Variants in CHMP4C observed in about 807,000 individuals in gnomAD.
The protein encoded by CHMP4C is charged multivesicular body protein 4C, also known as SNF7 homolog associated with Alix 3.
CHMP4C carries 28 observed loss-of-function variants against 29.0 expected under a neutral mutation model. That is an observed-to-expected ratio of 0.97 (90% CI 0.72 to 1.32). The LOEUF (loss-of-function observed/expected upper bound fraction) is 1.32, where lower values mean the gene tolerates loss of function less well. Among genes scored for constraint, CHMP4C ranks in the 40% most tolerant of loss-of-function variants. CHMP4C has a pLI of 0.00. For missense variants in CHMP4C, 291 were observed against 281.0 expected (o/e 1.04, Z -0.25); for synonymous variants, 106 against 102.4 (o/e 1.04, Z -0.21).
chr8:81,755,826 G>T (rs1408273048), intron 3 of CHMP4C, among the ~76,000 whole-genome samples: 5 of 152,162 alleles, frequency 3.3e-5, no homozygotes, highest in Non-Finnish European at 7.3e-5. Context: ...TCGTCATTCT[G>T]CATGAAACAG....
chr8:81,733,128 A>G (rs1199322923), intron 1 of CHMP4C, among the ~76,000 whole-genome samples: 3 of 152,320 alleles, frequency 2.0e-5, no homozygotes, highest in South Asian at 4.1e-4. Context: ...TTAAATAAAG[A>G]CAAGATTGGT....
At chr8:81,744,547 T>C (rs1233109770) in intron 1 of CHMP4C, among the ~76,000 whole-genome samples, 1 of 152,160 alleles carries the variant, frequency 6.6e-6, no homozygotes, top group Non-Finnish European at 1.5e-5. Flanking sequence ...GCTACAGCGA[T>C]GTCTGTGAAG....
At chr8:81,732,924 G>A in intron 1 of CHMP4C, 108 bp downstream of exon 1, 1 of 1,052,404 alleles carries the variant, frequency 9.5e-7, no homozygotes, top group Non-Finnish European at 1.4e-6. Context: ...GTTTGCTCCT[G>A]CAGTCTTTTC....
rs139974821 is a variant in CHMP4C at position 81,745,151 on chromosome 8, G to A, written c.191-7913G>A. On this transcript the variant is annotated intron_variant, in intron 1 of 4. Coordinates refer to ENST00000297265, the MANE Select transcript of CHMP4C (RefSeq NM_152284.4). Reference sequence around the variant, plus strand: ...TGATTTGTATATGAGTAAGAACAGGGCTTACACTAAAGTTCCTCAAATAAA... The same window carrying A: ...TGATTTGTATATGAGTAAGAACAGGACTTACACTAAAGTTCCTCAAATAAA... 5.3e-3 allele frequency among the ~76,000 whole-genome samples: 800 copies of A among 152,192 alleles called. 6 individuals are homozygous for A. Among genetic ancestry groups the A allele is most frequent in the African/African-American group, 0.018 (741 of 41,522 alleles).
chr8:81,739,474 T>TA (rs144207721), intron 1 of CHMP4C, among the ~76,000 whole-genome samples: 11,652 of 145,752 alleles, frequency 0.08, 785 homozygotes, highest in East Asian at 0.39. Context: ...AACCAATACC[T>TA]AGGCCAGATC....
At chr8:81,754,898 C>A (rs1351265103) in intron 2 of CHMP4C, among the ~76,000 whole-genome samples, 1 of 152,066 alleles carries the variant, frequency 6.6e-6, no homozygotes, top group African/African-American at 2.4e-5. Flanking sequence ...TTCAGAGCTG[C>A]TAAGTGTTAC....
intron 1 of CHMP4C, among the ~76,000 whole-genome samples, chr8:81,739,422 G>GGGT (rs1269252338): frequency 7.0e-6 from 1 of 143,358 alleles, no homozygotes; most frequent in Non-Finnish European, 1.5e-5. Context: ...GGATTGTGGG[G>GGGT]GGGGGTGGAA....
At chr8:81,736,415 C>A (rs1808691552) in intron 1 of CHMP4C, among the ~76,000 whole-genome samples, 2 of 152,092 alleles carry the variant, frequency 1.3e-5, no homozygotes, top group South Asian at 4.2e-4. Context: ...CTTGCCTCAT[C>A]CTCCCAAAGT....
intron 1 of CHMP4C, among the ~76,000 whole-genome samples, chr8:81,733,477 G>T (rs1217515409): frequency 6.6e-6 from 1 of 151,566 alleles, no homozygotes; most frequent in Non-Finnish European, 1.5e-5. Context: ...GGTCTACCTT[G>T]CTCCTCAGCT....
At position 81,755,440 on chromosome 8, in the gene CHMP4C, G is replaced by A; in HGVS notation, c.439G>A (p.Glu147Lys). The change falls in exon 3 of 5, where the codon GAA becomes AAA. Residue 147 changes from glutamate to lysine, a missense_variant. Transcript: ENST00000297265. ...EQQDIAQEIS[E>K]AFSQRVGFGD... ...ACAGGATATCGCCCAAGAAATCTCA[G>A]AAGCATTTTCTCAACGGGTTGGCTT... is the stretch of plus-strand genomic sequence containing the variant. 2 of 1,612,460 alleles carry A rather than the reference G, an allele frequency of 1.2e-6. No homozygotes were observed. The highest frequency in any genetic ancestry group is 1.7e-6 in the Non-Finnish European group (2 of 1,178,806).
intron 1 of CHMP4C, 95 bp downstream of exon 1, chr8:81,732,911 C>A: frequency 8.3e-7 from 1 of 1,199,526 alleles, no homozygotes; most frequent in Non-Finnish European, 1.2e-6. Context: ...CCCAGGTGGC[C>A]AGGTTTGCTC....
intron 3 of CHMP4C, among the ~76,000 whole-genome samples, chr8:81,757,421 T>C (rs1808986226): frequency 6.6e-6 from 1 of 152,216 alleles, no homozygotes; most frequent in Non-Finnish European, 1.5e-5. Flanking sequence ...GGGGTTGGAC[T>C]CTACTTCAGG....
intron 4 of CHMP4C, 42 bp from the exon 5 acceptor site, chr8:81,758,438 G>T: frequency 6.4e-7 from 1 of 1,559,868 alleles, no homozygotes; most frequent in Non-Finnish European, 8.8e-7. Context: ...CTGAAAGTGT[G>T]AATGTCACCA....
chr8:81,732,876 A>C, intron 1 of CHMP4C, 60 bp downstream of exon 1: 1 of 1,512,184 alleles, frequency 6.6e-7, no homozygotes, highest in South Asian at 1.3e-5. Flanking sequence ...TCCCTTGGGG[A>C]CAATCGGCCC....
chr8:81,748,914 A>T (rs1458408001), intron 1 of CHMP4C, among the ~76,000 whole-genome samples: 2 of 135,228 alleles, frequency 1.5e-5, no homozygotes, highest in Non-Finnish European at 3.1e-5. Context: ...TGACAGAGTG[A>T]GACTCTGTGT....
intron 1 of CHMP4C, among the ~76,000 whole-genome samples, chr8:81,746,206 C>G (rs1341263327): frequency 2.0e-5 from 3 of 152,148 alleles, no homozygotes; most frequent in Non-Finnish European, 2.9e-5. Flanking sequence ...TATCCTAGGA[C>G]CTGATCCAGC....
At chr8:81,753,918 A>G (rs1808941064) in intron 2 of CHMP4C, among the ~76,000 whole-genome samples, 1 of 152,074 alleles carries the variant, frequency 6.6e-6, no homozygotes, top group Non-Finnish European at 1.5e-5. Flanking sequence ...TCCTGGCACA[A>G]AGTGAGCACT....
intron 1 of CHMP4C, among the ~76,000 whole-genome samples, chr8:81,736,182 G>T (rs1808688584): frequency 6.6e-6 from 1 of 151,342 alleles, no homozygotes; most frequent in Non-Finnish European, 1.5e-5. Context: ...TTGAGACAGG[G>T]TCTCGCTTTG....
At chr8:81,735,176 G>A (rs1275019361) in intron 1 of CHMP4C, among the ~76,000 whole-genome samples, 1 of 152,144 alleles carries the variant, frequency 6.6e-6, no homozygotes, top group African/African-American at 2.4e-5. Flanking sequence ...TTACAGGTGT[G>A]AGCCACTGCG....
Sources: gnomAD v4.1 joint callset for allele counts (sites outside exome capture counted in the v4.1 genomes callset) on GRCh38, gnomAD v4.1.1 for gene constraint, MANE v1.5 for transcripts, NCBI Gene and HGNC (gene_info 2026-07-23, HGNC 2026-07-21) for gene names.